The following CDH23 variants were observed in gnomAD, a reference collection of about 807,000 sequenced individuals.
CDH23 encodes cadherin related 23.
Under a neutral mutation model 317.1 loss-of-function variants are expected in CDH23, and 189 were observed. The ratio of observed to expected loss-of-function variants is 0.60; its 90% CI spans 0.53 to 0.67. CDH23 has a LOEUF of 0.67. Ranked by LOEUF, CDH23 falls within the 30% of genes least tolerant of loss-of-function variation. The pLI is 0.00. For synonymous variants in CDH23, 1,839 were observed against 1,876.8 expected (o/e 0.98, Z 0.52); for missense variants, 4,401 against 4,592.4 (o/e 0.96, Z 1.20).
rs191395321 is a variant in CDH23, at chr10:71,416,936, C to T, written c.-6+19618C>T. ...CCCATTGTTTGTTTCAAAAAGTCAC[C>T]TATAAGTTTTATTAGCACTTTTGAA... On this transcript the variant is annotated intron_variant, in intron 1 of 69. Coordinates refer to ENST00000224721, the MANE Select transcript of CDH23 (RefSeq NM_022124.6). Among the ~76,000 whole-genome samples the T allele has an allele frequency of 1.5e-3, 233 of 152,292 alleles. 1 individual carries two copies. Among genetic ancestry groups the T allele is most frequent in the Admixed American group, 4.5e-3 (69 of 15,300 alleles).
chr10:71,793,667 T>C (rs761035185), intron 48 of CDH23, 27 bp downstream of exon 48: 12 of 1,486,634 alleles, frequency 8.1e-6, no homozygotes, highest in Non-Finnish European at 1.0e-5. Context: ...CCCTCCCACC[T>C]CCCTCCCAGC....
intron 11 of CDH23, among the ~76,000 whole-genome samples, chr10:71,618,757 A>C (rs1297913516): frequency 6.6e-6 from 1 of 152,134 alleles, no homozygotes; most frequent in Non-Finnish European, 1.5e-5. Flanking sequence ...CCTCTCAACC[A>C]GACATGGTCC....
At chr10:71,736,401 T>C (rs1486539188) in intron 34 of CDH23, among the ~76,000 whole-genome samples, 1 of 152,170 alleles carries the variant, frequency 6.6e-6, no homozygotes. Flanking sequence ...ACCTGGCTCC[T>C]CCCTGTCCCC....
At chr10:71,616,036 A>T (rs11593332) in intron 10 of CDH23, among the ~76,000 whole-genome samples, 11,918 of 152,276 alleles carry the variant, frequency 0.078, 672 homozygotes, top group South Asian at 0.23. Context: ...AAGAAACAGC[A>T]ATGCAGCAGG....
chr10:71,677,814 G>A, intron 16 of CDH23, 121 bp downstream of exon 16: 1 of 769,716 alleles, frequency 1.3e-6, no homozygotes, highest in Non-Finnish European at 2.1e-6. Context: ...CACCCAGGCT[G>A]GAGTGCAGTG....
chr10:71,471,668 A>C (rs1851520501), intron 3 of CDH23, among the ~76,000 whole-genome samples: 1 of 150,260 alleles, frequency 6.7e-6, no homozygotes, highest in African/African-American at 2.4e-5. Context: ...CTTTTCCCCA[A>C]ACCCTCCCTC....
chr10:71,797,193 C>T lies in CDH23; in HGVS notation c.6802C>T (p.Pro2268Ser), dbSNP rs752426434. 3.1e-6 allele frequency: 5 copies of T among 1,612,792 alleles called. No individual in the cohort carries two copies. Among genetic ancestry groups the T allele is most frequent in the Non-Finnish European group, 4.2e-6 (5 of 1,179,274 alleles). The change falls in exon 49 of 70, where the codon CCA becomes TCA. Residue 2268 changes from proline (P) to serine (S), a missense_variant. This residue lies in a region of CDH23 where 3,068 missense variants were observed against 3,203.3 expected (regional missense o/e 0.96). Transcript: ENST00000224721. ...AGTGATTGACAATGCCAGCGACCTACCAGAGCGCTCTGTCAGTGTGCCAAA... is the reference window on the plus strand; with the variant it reads ...AGTGATTGACAATGCCAGCGACCTATCAGAGCGCTCTGTCAGTGTGCCAAA... ...LSVIDNASDLPERSVSVPNAK... is the reference protein window; with the variant it reads ...LSVIDNASDLSERSVSVPNAK...
chr10:71,775,202 G>T (rs1678073062), intron 38 of CDH23, among the ~76,000 whole-genome samples: 1 of 152,122 alleles, frequency 6.6e-6, no homozygotes, highest in African/African-American at 2.4e-5. Context: ...TGGACACCGG[G>T]CCCTTCTCAC....
At chr10:71,705,636 C>T (rs566073306) in intron 25 of CDH23, among the ~76,000 whole-genome samples, 1 of 152,336 alleles carries the variant, frequency 6.6e-6, no homozygotes, top group South Asian at 2.1e-4. Flanking sequence ...GATCCTCATC[C>T]CCCTGGGACT....
intron 9 of CDH23, among the ~76,000 whole-genome samples, chr10:71,609,289 TCTCTCCCTCTCC>T (rs566423896): frequency 1.4e-5 from 2 of 146,466 alleles, no homozygotes; most frequent in African/African-American, 5.1e-5. Flanking sequence ...AGTCCACTTC[TCTCTCCCTCTCC>T]CTCTCCCTCT....
Position 71,751,318 on chromosome 10 carries a change from C to G in CDH23, c.4845+9397C>G. ...GCAAGAAAAGGAGAAGCAAAGTGAA[C>G]GGGGCCCCTCTGCCCCTCACCCTCA... On this transcript the variant is annotated intron_variant, in intron 38 of 69. Transcript: ENST00000224721. This position sits in a 1 kb window ranked among gnomAD's most constrained non-coding sequence, Gnocchi z 4.9. 2 of 1,604,282 alleles carry G rather than the reference C, an allele frequency of 1.2e-6. No individual in the cohort carries two copies. The highest frequency in any genetic ancestry group is 1.1e-5 in the South Asian group (1 of 89,684).
At position 71,791,163 on chromosome 10, in the gene CDH23, T is replaced by G. The variant is rs114919561; in HGVS notation, c.6081T>G (p.Ile2027Met). 2.5e-5 allele frequency: 40 copies of G among 1,612,138 alleles called. No homozygotes were observed. The African/African-American group carries it at 5.2e-4, about 21-fold the overall frequency. Residue 2027 changes from isoleucine (I) to methionine (M), a missense_variant, in exon 47 of 70, where the codon ATT becomes ATG. This residue lies in a region of CDH23 where 3,068 missense variants were observed against 3,203.3 expected (regional missense o/e 0.96). Coordinates refer to ENST00000224721, the MANE Select transcript of CDH23 (RefSeq NM_022124.6). ...GVVTVRSGVI[I>M]DREAFSPPIL... ...TGACCGTGAGGTCAGGTGTCATCAT[T>G]GACCGGGAGGCATTCTCGCCACCCA...
At position 71,791,322 on chromosome 10, in the gene CDH23, G is replaced by T. The variant is rs774776024; in HGVS notation, c.6240G>T (p.Glu2080Asp). Residue 2080 changes from glutamate to aspartate, a missense_variant, in exon 47 of 70, where the codon GAG becomes GAT. Coordinates refer to ENST00000224721, the MANE Select transcript of CDH23 (RefSeq NM_022124.6). ...SPATLTVHLL[E>D]NCPPGFSVLQ... is the part of the protein sequence containing the mutation. ...CCACCCTCACTGTCCATCTGCTAGA[G>T]AACTGCCCGCCTGGTAAGCAGGGGA... 1 of 1,613,552 alleles carries T rather than the reference G, an allele frequency of 6.2e-7. No homozygotes were observed. Among genetic ancestry groups the T allele is most frequent in the East Asian group, 2.2e-5 (1 of 44,856 alleles).
intron 28 of CDH23, chr10:71,716,101 A>G (rs976143887): frequency 9.8e-6 from 15 of 1,538,330 alleles, no homozygotes; most frequent in Non-Finnish European, 1.3e-5. Context: ...TGGGGCTCCC[A>G]GGGTGGTGGG....
At position 71,705,097 on chromosome 10, in the gene CDH23, AC is replaced by A. The variant is rs1338446830; in HGVS notation, c.2922del (p.Lys975ArgfsTer14). The part of the protein sequence containing the change: ...RVVASDAGTP[T>X]KSSTSTLTIH... ...GGTGGCCAGTGATGCAGGCACGCCC[AC>A]CAAGAGCTCCACCAGCACGCTCACC... On this transcript the variant is annotated frameshift_variant, in exon 25 of 70. Transcript: ENST00000224721. LOFTEE classifies it high-confidence loss of function. 6.2e-7 allele frequency: 1 copy of A among 1,611,560 alleles called. No homozygotes were observed. The highest frequency in any genetic ancestry group is 1.7e-5 in the Admixed American group (1 of 59,976).
At chr10:71,544,661 G>A (rs1856172991) in intron 6 of CDH23, among the ~76,000 whole-genome samples, 1 of 152,172 alleles carries the variant, frequency 6.6e-6, no homozygotes, top group African/African-American at 2.4e-5. Context: ...GGGACACGCT[G>A]CACACCCCAA....
intron 3 of CDH23, among the ~76,000 whole-genome samples, chr10:71,482,510 A>C (rs948725190): frequency 4.6e-5 from 7 of 152,160 alleles, no homozygotes; most frequent in Admixed American, 2.0e-4. Context: ...GCCATAGTGG[A>C]CACCTGAGGT....
Position 71,805,944 on chromosome 10 carries a change from G to C in CDH23, c.8011G>C (p.Gly2671Arg). 1.2e-6 allele frequency: 2 copies of C among 1,613,454 alleles called. No individual in the cohort carries two copies. Among genetic ancestry groups the C allele is most frequent in the Non-Finnish European group, 1.7e-6 (2 of 1,179,758 alleles). The change falls in exon 56 of 70, where the codon GGC becomes CGC. Residue 2671 changes from glycine to arginine, a missense_variant. This residue lies in a region of CDH23 where 1,144 missense variants were observed against 1,138.2 expected (regional missense o/e 1.01). Coordinates refer to ENST00000224721, the MANE Select transcript of CDH23 (RefSeq NM_022124.6). ...WEFFIIDPIS[G>R]LIQTAQRLDR... is the part of the protein sequence containing the mutation. ...GTTCTTCATCATCGACCCAATCAGC[G>C]GCCTCATCCAGACTGCTCAGCGCCT...
intron 1 of CDH23, among the ~76,000 whole-genome samples, chr10:71,420,705 T>A (rs1848772323): frequency 6.6e-6 from 1 of 152,064 alleles, no homozygotes; most frequent in South Asian, 2.1e-4. Context: ...ATAACAACCC[T>A]ATGAAGTAGG....
Sources: allele counts gnomAD v4.1 joint callset (sites outside exome capture counted in the v4.1 genomes callset), GRCh38; gene constraint gnomAD v4.1.1; regional missense constraint gnomAD v4.1.1; non-coding constraint Gnocchi (gnomAD v3.1); transcripts MANE v1.5; gene names NCBI Gene and HGNC (gene_info 2026-07-23, HGNC 2026-07-21).